Variants in MYOF observed in about 807,000 individuals in gnomAD.
The protein encoded by MYOF is myoferlin.
A neutral mutation model predicts 284.2 loss-of-function variants in MYOF; 244 were observed. The ratio of observed to expected loss-of-function variants is 0.86; its 90% CI spans 0.77 to 0.95. MYOF has a LOEUF of 0.95. Ranked by LOEUF, MYOF falls within the 40% of genes least tolerant of loss-of-function variation. MYOF has a pLI of 0.00. For synonymous variants in MYOF, 904 were observed against 919.7 expected, an observed-to-expected ratio of 0.98 and a Z score of 0.31; for missense variants, 2,496 against 2,560.6, an observed-to-expected ratio of 0.97 and a Z score of 0.54.
At chr10:93,357,876 C>T (rs555832604) in intron 29 of MYOF, among the ~76,000 whole-genome samples, 1 of 152,252 alleles carries the variant, frequency 6.6e-6, no homozygotes, top group African/African-American at 2.4e-5. Flanking sequence ...AACTTGGTGC[C>T]CTCGTGTGGA....
chr10:93,460,259 C>T (rs571530191), intron 1 of MYOF, among the ~76,000 whole-genome samples: 5 of 152,196 alleles, frequency 3.3e-5, no homozygotes, highest in Non-Finnish European at 5.9e-5. Flanking sequence ...ACAGAGAACA[C>T]GGAAGACACG....
intron 21 of MYOF, 149 bp downstream of exon 21, chr10:93,379,714 C>T (rs1034557182): frequency 1.0e-6 from 1 of 987,204 alleles, no homozygotes; most frequent in South Asian, 2.0e-5. Context: ...AACTTAGGAC[C>T]ATCTACCTCC....
intron 31 of MYOF, among the ~76,000 whole-genome samples, chr10:93,354,691 C>T (rs1240269930): frequency 6.6e-6 from 1 of 151,820 alleles, no homozygotes; most frequent in African/African-American, 2.4e-5. Flanking sequence ...CTCTCTCTCT[C>T]TCTCTCTCTC....
intron 7 of MYOF, among the ~76,000 whole-genome samples, chr10:93,407,601 G>A (rs1476151641): frequency 7.3e-5 from 11 of 151,490 alleles, no homozygotes; most frequent in African/African-American, 2.2e-4. Flanking sequence ...AGCTGGGCGT[G>A]GTGGCGGGCG....
intron 11 of MYOF, 30 bp downstream of exon 11, chr10:93,402,202 G>C: frequency 6.4e-7 from 1 of 1,572,448 alleles, no homozygotes; most frequent in Non-Finnish European, 8.8e-7. Context: ...TTAGTGAGAA[G>C]TGTAGAAAGT....
In MYOF at chr10:93,329,023, A is replaced by G. The variant is rs180969782; in HGVS notation, c.4983-112T>C. ...GTGCTCCCATATAGTGGGTGCAGAA[A>G]ATCTGCGCTACACTCTGACTTTGGC... On this transcript the variant is annotated intron_variant, in intron 44 of 53. Transcript: ENST00000359263. 6.8e-6 allele frequency: 7 copies of G among 1,032,874 alleles called. No homozygotes were observed. In the East Asian group the frequency reaches 1.7e-4, roughly 25 times the overall value. The allele number at this position is 1,032,874 out of a possible 1,614,324, so 64.0% of individuals were successfully genotyped here.
intron 30 of MYOF, among the ~76,000 whole-genome samples, chr10:93,356,294 A>G (rs1844800652): frequency 6.6e-6 from 1 of 152,142 alleles, no homozygotes; most frequent in Non-Finnish European, 1.5e-5. Flanking sequence ...CTCCCCCGAC[A>G]TCTGTATATT....
At chr10:93,347,002 T>C (rs565906631) in intron 37 of MYOF, among the ~76,000 whole-genome samples, 5 of 152,324 alleles carry the variant, frequency 3.3e-5, no homozygotes, top group African/African-American at 1.2e-4. Context: ...TCATGAGCAC[T>C]TAACACTTCC....
chr10:93,465,311 G>T (rs1321214712), intron 1 of MYOF, among the ~76,000 whole-genome samples: 1 of 152,092 alleles, frequency 6.6e-6, no homozygotes, highest in Non-Finnish European at 1.5e-5. Context: ...TATTAATATT[G>T]TTATTCCCCC....
At chr10:93,411,428 C>T (rs144951130) in intron 5 of MYOF, among the ~76,000 whole-genome samples, 75 of 152,332 alleles carry the variant, frequency 4.9e-4, no homozygotes, top group African/African-American at 1.8e-3. Context: ...GGCCCCGTGA[C>T]CTAATCACCT....
intron 18 of MYOF, 38 bp downstream of exon 18, chr10:93,388,992 C>T (rs774139780): frequency 6.2e-7 from 1 of 1,603,236 alleles, no homozygotes; most frequent in South Asian, 1.1e-5. Context: ...TCACCTTAAC[C>T]AATGCTGATT....
At chr10:93,382,977 C>A (rs1187876138) in intron 19 of MYOF, among the ~76,000 whole-genome samples, 1 of 152,100 alleles carries the variant, frequency 6.6e-6, no homozygotes, top group Non-Finnish European at 1.5e-5. Context: ...CTCATTGCAA[C>A]CTCTGCCTCC....
chr10:93,309,022 T>G (rs1425866351), intron 53 of MYOF, among the ~76,000 whole-genome samples: 1 of 152,110 alleles, frequency 6.6e-6, no homozygotes, highest in Non-Finnish European at 1.5e-5. Context: ...GATATTATTA[T>G]TAATGTGTTT....
intron 30 of MYOF, 82 bp downstream of exon 30, chr10:93,356,591 CTA>C (rs1252532565): frequency 7.0e-7 from 1 of 1,421,644 alleles, no homozygotes; most frequent in Non-Finnish European, 9.6e-7. Flanking sequence ...ACAGGGACCT[CTA>C]TGGAGTTGGC....
chr10:93,326,576 G>A (rs922152419), intron 45 of MYOF, among the ~76,000 whole-genome samples: 12 of 152,160 alleles, frequency 7.9e-5, no homozygotes, highest in African/African-American at 2.4e-4. Context: ...GTTAGAACAC[G>A]GAAATTTGGA....
intron 45 of MYOF, among the ~76,000 whole-genome samples, chr10:93,327,333 C>A (rs1843095966): frequency 6.6e-6 from 1 of 152,056 alleles, no homozygotes; most frequent in Non-Finnish European, 1.5e-5. Context: ...GATGAGCCAC[C>A]CAGGCTCAAA....
At position 93,329,684 on chromosome 10, in the gene MYOF, G is replaced by A; in HGVS notation, c.4962C>T (p.Gly1654=). Reference sequence around the variant, plus strand: ...CTTACACACAGTACTCCTCTGGTATGCCGCAGTGGGACCCAAAGCGGGAAA... The same window carrying A: ...CTTACACACAGTACTCCTCTGGTATACCGCAGTGGGACCCAAAGCGGGAAA... ...RFLSRFGSHC[G]IPEEYCVSGV... Residue 1654 remains glycine (G), a synonymous_variant, in exon 44 of 54, where the codon GGC becomes GGT. Coordinates refer to ENST00000359263, the MANE Select transcript of MYOF (RefSeq NM_013451.4). The A allele has an allele frequency of 6.2e-7, 1 of 1,614,142 alleles. No homozygotes were observed.
intron 3 of MYOF, among the ~76,000 whole-genome samples, chr10:93,445,609 C>T (rs1027330720): frequency 2.0e-5 from 3 of 152,192 alleles, no homozygotes; most frequent in South Asian, 2.1e-4. Flanking sequence ...CAAGGCAACC[C>T]GCTCCCAGTG....
At chr10:93,352,701 T>C (rs1337872119) in intron 32 of MYOF, among the ~76,000 whole-genome samples, 1 of 152,262 alleles carries the variant, frequency 6.6e-6, no homozygotes, top group Non-Finnish European at 1.5e-5. Flanking sequence ...AGCCATCATA[T>C]GAACCCTTTG....
Sources: allele counts gnomAD v4.1 joint callset (sites outside exome capture counted in the v4.1 genomes callset), GRCh38; gene constraint gnomAD v4.1.1; transcripts MANE v1.5; gene names NCBI Gene and HGNC (gene_info 2026-07-23, HGNC 2026-07-21).